HLF: variants seen among roughly 807,000 people sequenced by gnomAD.
HLF encodes hepatic leukemia factor.
In HLF, 3 loss-of-function variants were observed where a neutral mutation model predicts 22.6. The observed-to-expected ratio is 0.13, with a 90% confidence interval of 0.06 to 0.34. HLF has a LOEUF of 0.34. Ranked by LOEUF, HLF falls within the 10% of genes least tolerant of loss-of-function variation. The pLI, the probability that HLF is intolerant of heterozygous loss-of-function variation, is 1.00. For missense variants in HLF, 299 were observed against 389.2 expected (o/e 0.77, Z 1.95); for synonymous variants, 151 against 151.8 (o/e 0.99, Z 0.04).
At chr17:55,291,294 C>T (rs2081059510) in intron 2 of HLF, among the ~76,000 whole-genome samples, 1 of 152,162 alleles carries the variant, frequency 6.6e-6, no homozygotes, top group Non-Finnish European at 1.5e-5. Context: ...TAAATCCATG[C>T]CTGGCATCGA....
chr17:55,276,506 C>T (rs764018815), intron 2 of HLF, among the ~76,000 whole-genome samples: 1 of 152,086 alleles, frequency 6.6e-6, no homozygotes, highest in Non-Finnish European at 1.5e-5. Flanking sequence ...GTGCCTGGGG[C>T]GAGGCTTCTT....
At chr17:55,286,290 TC>T (rs796325161) in intron 2 of HLF, among the ~76,000 whole-genome samples, 3 of 152,014 alleles carry the variant, frequency 2.0e-5, no homozygotes, top group African/African-American at 7.2e-5. Flanking sequence ...ATTTCTTTTC[TC>T]CCCCCACCCT....
rs143455828 is a variant in HLF, at chr17:55,309,893, C to A, written c.452-5334C>A. Among the ~76,000 whole-genome samples, 451 of 152,270 alleles carry A rather than the reference C, an allele frequency of 3.0e-3. 4 individuals carry two copies. The highest frequency in any genetic ancestry group is 0.027 in the Middle Eastern group (8 of 294). ...TAATTTGTGACTTTGATGCAGACAT[C>A]AATTTAAAACATAAACCACTGACTA... On this transcript the variant is annotated intron_variant, in intron 2 of 3. Coordinates refer to ENST00000226067, the MANE Select transcript of HLF (RefSeq NM_002126.5).
chr17:55,268,567 G>A (rs1325511525), intron 2 of HLF, among the ~76,000 whole-genome samples: 1 of 152,094 alleles, frequency 6.6e-6, no homozygotes. Context: ...GAAAAAAAAT[G>A]TGAGTAGGGA....
At chr17:55,316,997 G>T (rs1180230459) in intron 3 of HLF, among the ~76,000 whole-genome samples, 54 of 128,746 alleles carry the variant, frequency 4.2e-4, no homozygotes, top group African/African-American at 1.6e-3. Context: ...AGATGGAGTC[G>T]CACTCTGTTG....
chr17:55,295,927 A>G (rs1269424011), intron 2 of HLF, among the ~76,000 whole-genome samples: 1 of 152,234 alleles, frequency 6.6e-6, no homozygotes, highest in Non-Finnish European at 1.5e-5. Flanking sequence ...ATTAGAATGT[A>G]TTGACTAACT....
intron 2 of HLF, among the ~76,000 whole-genome samples, chr17:55,277,672 C>T (rs2080918001): frequency 6.6e-6 from 1 of 152,036 alleles, no homozygotes; most frequent in Non-Finnish European, 1.5e-5. Flanking sequence ...ATGACTTGCT[C>T]AAGCACCCCC....
chr17:55,299,478 C>A (rs959030181), intron 2 of HLF, among the ~76,000 whole-genome samples: 9 of 152,140 alleles, frequency 5.9e-5, no homozygotes, highest in African/African-American at 2.2e-4. Flanking sequence ...ACTTCAGACA[C>A]TAGATGCAAT....
intron 2 of HLF, among the ~76,000 whole-genome samples, chr17:55,313,104 G>A (rs1904907903): frequency 6.6e-6 from 1 of 152,182 alleles, no homozygotes; most frequent in African/African-American, 2.4e-5. Context: ...TCTGCAGGTA[G>A]GGCTGACCTA....
At chr17:55,306,223 A>G (rs142716464) in intron 2 of HLF, among the ~76,000 whole-genome samples, 1 of 152,302 alleles carries the variant, frequency 6.6e-6, no homozygotes, top group African/African-American at 2.4e-5. Context: ...CTGTTTAAAA[A>G]AAAAATTGCT....
intron 3 of HLF, among the ~76,000 whole-genome samples, chr17:55,316,910 T>C (rs1905089466): frequency 6.6e-6 from 1 of 152,050 alleles, no homozygotes; most frequent in African/African-American, 2.4e-5. Context: ...GGTACCTTAT[T>C]TCAATGAGAT....
intron 2 of HLF, among the ~76,000 whole-genome samples, chr17:55,296,836 A>AT (rs1567819740): frequency 2.0e-5 from 3 of 151,968 alleles, no homozygotes; most frequent in South Asian, 2.1e-4. Context: ...CATTCAAAAA[A>AT]ATTTTTTTTT....
intron 2 of HLF, among the ~76,000 whole-genome samples, chr17:55,271,162 C>G (rs2080853283): frequency 6.6e-6 from 1 of 152,172 alleles, no homozygotes; most frequent in African/African-American, 2.4e-5. Flanking sequence ...CTTTAGGACC[C>G]TGTCACACGC....
chr17:55,265,457 T>C lies in HLF; in HGVS notation c.-28T>C, dbSNP rs775432382. Reference sequence around the variant, plus strand: ...GTTGTTTCTTTCTTATTTCTTTTTTTAAGGGGAAAAAATTTGAGTGCATCG... The same window carrying C: ...GTTGTTTCTTTCTTATTTCTTTTTTCAAGGGGAAAAAATTTGAGTGCATCG... On this transcript the variant is annotated 5_prime_UTR_variant, in exon 1 of 4. Coordinates refer to ENST00000226067, the MANE Select transcript of HLF (RefSeq NM_002126.5). 2.3e-5 allele frequency: 32 copies of C among 1,372,460 alleles called. No homozygotes were observed. Among genetic ancestry groups the C allele is most frequent in the Non-Finnish European group, 1.6e-5 (15 of 964,440 alleles). The allele number at this position is 1,372,460 out of a possible 1,614,324, so 85.0% of individuals were successfully genotyped here. A position where few individuals can be genotyped will look rare whatever the true frequency, so the allele number is the denominator to read the frequency against.
chr17:55,271,657 G>A (rs1304168135), intron 2 of HLF: 1 of 152,196 alleles, frequency 6.6e-6, no homozygotes, highest in African/African-American at 2.4e-5. Context: ...AGCCTCTCTA[G>A]TAGCTGGGAT....
At chr17:55,312,372 A>C (rs1013337341) in intron 2 of HLF, among the ~76,000 whole-genome samples, 1 of 152,238 alleles carries the variant, frequency 6.6e-6, no homozygotes, top group Non-Finnish European at 1.5e-5. Context: ...GTATGTTTAA[A>C]AATATAAAAT....
chr17:55,319,507 T>G (rs1442964358), intron 3 of HLF, among the ~76,000 whole-genome samples: 1 of 152,132 alleles, frequency 6.6e-6, no homozygotes. Flanking sequence ...AGAAGATCCC[T>G]GTTTCTTAGT....
intron 2 of HLF, among the ~76,000 whole-genome samples, chr17:55,281,638 T>G (rs1598392938): frequency 6.6e-6 from 1 of 152,356 alleles, no homozygotes; most frequent in East Asian, 1.9e-4. Context: ...AGCCATTATG[T>G]GTTAAAACCA....
At chr17:55,272,564 A>T (rs2080867419) in intron 2 of HLF, 1 of 152,224 alleles carries the variant, frequency 6.6e-6, no homozygotes, top group Non-Finnish European at 1.5e-5. Flanking sequence ...AAAGGATGGC[A>T]TAAGTGGGTG....
Sources: gnomAD v4.1 joint callset for allele counts (sites outside exome capture counted in the v4.1 genomes callset) on GRCh38, gnomAD v4.1.1 for gene constraint, MANE v1.5 for transcripts, NCBI Gene and HGNC (gene_info 2026-07-23, HGNC 2026-07-21) for gene names.